BEND6: variants seen among roughly 807,000 people sequenced by gnomAD.
BEND6 encodes BEN domain-containing protein 6.
A neutral mutation model predicts 31.8 loss-of-function variants in BEND6; 24 were observed. The ratio of observed to expected loss-of-function variants is 0.75; its 90% CI spans 0.55 to 1.06. BEND6 has a LOEUF of 1.06. Ranked by LOEUF, BEND6 falls within the 50% of genes least tolerant of loss-of-function variation. The pLI is 0.00. For missense variants in BEND6, 294 were observed against 327.4 expected (o/e 0.90, Z 0.79); for synonymous variants, 109 against 114.6 (o/e 0.95, Z 0.31).
chr6:56,982,220 T>G lies in BEND6; in HGVS notation c.120+290T>G, dbSNP rs1222640606. On this transcript the variant is annotated intron_variant, in intron 2 of 6. Transcript: ENST00000370746. Reference sequence around the variant, plus strand: ...ACAGGTATAAGCCACTGCACCATCTTATGTTCTCTTTTTAATGTTGAACAG... The same window carrying G: ...ACAGGTATAAGCCACTGCACCATCTGATGTTCTCTTTTTAATGTTGAACAG... Among the ~76,000 whole-genome samples, 19 of 152,164 alleles carry G rather than the reference T, an allele frequency of 1.2e-4. 1 individual carries two copies. The highest frequency in any genetic ancestry group is 1.2e-3 in the Admixed American group (19 of 15,272).
chr6:57,027,268 A>G lies in BEND6; in HGVS notation c.*1196A>G, dbSNP rs1827932694. The G allele has an allele frequency of 6.6e-6, 1 of 152,260 alleles. No individual in the cohort carries two copies. Among genetic ancestry groups the G allele is most frequent in the Admixed American group, 6.5e-5 (1 of 15,288 alleles). The allele number at this position is 152,260 out of a possible 1,614,324, so 9.4% of individuals were successfully genotyped here. On this transcript the variant is annotated 3_prime_UTR_variant, in exon 7 of 7. Transcript: ENST00000370746. ...TGATAACAATGTGATTGTACAAAATAAATGTTCTTAAGGAAACAACTTATG... is the reference window on the plus strand; with the variant it reads ...TGATAACAATGTGATTGTACAAAATGAATGTTCTTAAGGAAACAACTTATG...
chr6:56,992,724 C>T (rs187134825), intron 3 of BEND6, among the ~76,000 whole-genome samples, 169 bp downstream of exon 3: 105 of 152,218 alleles, frequency 6.9e-4, no homozygotes, highest in African/African-American at 2.3e-3. Context: ...TACAAAAGCA[C>T]TCTATTGAAG....
At chr6:56,980,414 T>C (rs1826027532) in intron 1 of BEND6, among the ~76,000 whole-genome samples, 1 of 152,122 alleles carries the variant, frequency 6.6e-6, no homozygotes. Flanking sequence ...GTCTTGAATT[T>C]CTCAGCTCAG....
At chr6:56,981,564 G>T in intron 1 of BEND6, 147 bp from the exon 2 acceptor site, 1 of 295,592 alleles carries the variant, frequency 3.4e-6, no homozygotes, top group South Asian at 5.2e-5. Context: ...GAAGACTTTT[G>T]CATCAAATGA....
chr6:56,992,318 A>G, intron 2 of BEND6, 60 bp from the exon 3 acceptor site: 18 of 1,484,778 alleles, frequency 1.2e-5, no homozygotes, highest in Non-Finnish European at 1.5e-5. Context: ...ATGGTTAACC[A>G]GAGATAAACC....
intron 1 of BEND6, among the ~76,000 whole-genome samples, chr6:56,959,768 T>C (rs1208429828): frequency 5.9e-5 from 9 of 152,210 alleles, no homozygotes; most frequent in Non-Finnish European, 4.4e-5. Flanking sequence ...GGCTTTATTT[T>C]ACCGTAATAA....
intron 1 of BEND6, among the ~76,000 whole-genome samples, chr6:56,965,795 A>C (rs1281310554): frequency 6.6e-6 from 1 of 151,538 alleles, no homozygotes; most frequent in African/African-American, 2.4e-5. Context: ...AATATTTGAG[A>C]GTTGAATCAC....
chr6:56,997,618 A>G (rs1826771431), intron 3 of BEND6, among the ~76,000 whole-genome samples: 1 of 152,180 alleles, frequency 6.6e-6, no homozygotes, highest in African/African-American at 2.4e-5. Flanking sequence ...CAGTGGCGCA[A>G]TCTCGGCTCA....
intron 3 of BEND6, among the ~76,000 whole-genome samples, chr6:56,999,598 G>A (rs1343491756): frequency 6.6e-6 from 1 of 152,188 alleles, no homozygotes; most frequent in Non-Finnish European, 1.5e-5. Flanking sequence ...CCTGCTATCA[G>A]GAGACCTGAA....
intron 3 of BEND6, chr6:57,009,358 A>C (rs1480020598): frequency 6.6e-6 from 1 of 152,202 alleles, no homozygotes; most frequent in African/African-American, 2.4e-5. Flanking sequence ...ACCTTTATAC[A>C]TTATATGTAT....
chr6:57,001,296 C>T (rs9396249), intron 3 of BEND6, among the ~76,000 whole-genome samples: 33,073 of 151,444 alleles, frequency 0.22, 3,702 homozygotes, highest in Middle Eastern at 0.23. Flanking sequence ...CCCAAGTAAC[C>T]GAGACTACAA....
At position 57,019,788 on chromosome 6, in the gene BEND6, C is replaced by T. The variant is rs1212031850; in HGVS notation, c.*9+1231C>T. Among the ~76,000 whole-genome samples, 3 of 152,322 alleles carry T rather than the reference C, an allele frequency of 2.0e-5. No homozygotes were observed. The East Asian group carries it at 5.8e-4, about 29-fold the overall frequency. On this transcript the variant is annotated intron_variant, in intron 6 of 6. Coordinates refer to ENST00000370746, the MANE Select transcript of BEND6 (RefSeq NM_152731.3). ...CCCTTGGCTCACACATACTGTTAGACTGACTTTAAAAGTTAGAGAACATGG... is the reference window on the plus strand; with the variant it reads ...CCCTTGGCTCACACATACTGTTAGATTGACTTTAAAAGTTAGAGAACATGG...
At chr6:56,996,961 C>G (rs776148211) in intron 3 of BEND6, among the ~76,000 whole-genome samples, 1 of 152,182 alleles carries the variant, frequency 6.6e-6, no homozygotes, top group Non-Finnish European at 1.5e-5. Flanking sequence ...CAGTTCCTGT[C>G]CTCCTGTGCT....
At chr6:56,996,974 A>C (rs1259639156) in intron 3 of BEND6, among the ~76,000 whole-genome samples, 1 of 152,170 alleles carries the variant, frequency 6.6e-6, no homozygotes, top group East Asian at 1.9e-4. Flanking sequence ...CCTGTGCTTA[A>C]AACTCTCCAG....
chr6:57,011,637 G>C (rs1462238139), intron 3 of BEND6, among the ~76,000 whole-genome samples: 2 of 146,350 alleles, frequency 1.4e-5, no homozygotes, highest in Non-Finnish European at 1.5e-5. Context: ...AGGATTGTTT[G>C]AGCCCGGGAA....
intron 2 of BEND6, among the ~76,000 whole-genome samples, chr6:56,986,733 G>C (rs906584185): frequency 6.6e-6 from 1 of 151,938 alleles, no homozygotes; most frequent in Non-Finnish European, 1.5e-5. Context: ...CAAGTTTTTC[G>C]AAGTCTTGCA....
intron 4 of BEND6, among the ~76,000 whole-genome samples, 178 bp from the exon 5 acceptor site, chr6:57,017,029 C>A (rs1233887268): frequency 6.6e-6 from 1 of 151,490 alleles, no homozygotes; most frequent in African/African-American, 2.4e-5. Context: ...TAAATCTAAT[C>A]CCTGACATGT....
chr6:56,966,802 AG>A (rs745617133), intron 1 of BEND6, among the ~76,000 whole-genome samples: 48 of 152,320 alleles, frequency 3.2e-4, no homozygotes, highest in Non-Finnish European at 2.6e-4. Context: ...GGAGCAACAG[AG>A]GGACTCTGGT....
At chr6:56,979,329 T>A (rs1825990486) in intron 1 of BEND6, among the ~76,000 whole-genome samples, 1 of 152,190 alleles carries the variant, frequency 6.6e-6, no homozygotes. Context: ...TGTATGGAGT[T>A]TCTTGGTGAT....
Sources: allele counts gnomAD v4.1 joint callset (sites outside exome capture counted in the v4.1 genomes callset), GRCh38; gene constraint gnomAD v4.1.1; transcripts MANE v1.5; gene names NCBI Gene and HGNC (gene_info 2026-07-23, HGNC 2026-07-21).